Variants in SH3BGRL observed in about 807,000 individuals in gnomAD.
SH3BGRL encodes the protein adapter SH3BGRL.
SH3BGRL carries 7 observed loss-of-function variants against 9.8 expected under a neutral mutation model. The ratio of observed to expected loss-of-function variants is 0.72; its 90% CI spans 0.41 to 1.35. The LOEUF (loss-of-function observed/expected upper bound fraction) is 1.35, where lower values mean the gene tolerates loss of function less well. SH3BGRL is among the 40% of genes most tolerant of loss of function. The probability of loss-of-function intolerance (pLI) is 0.01; values close to 1 mark genes in which losing one functional copy is unlikely to be tolerated. For synonymous variants in SH3BGRL, 36 were observed against 29.1 expected, an observed-to-expected ratio of 1.24 and a Z score of -0.76; for missense variants, 73 against 84.4, an observed-to-expected ratio of 0.86 and a Z score of 0.53.
chrX:81,290,174 C>T (rs1441912740), intron 3 of SH3BGRL, among the ~76,000 whole-genome samples: 1 of 111,514 alleles, frequency 9.0e-6, no homozygotes, highest in Non-Finnish European at 1.9e-5. Context: ...TTGGAGGTTC[C>T]TCAAAAACCT....
chrX:81,293,682 CA>C (rs1027481470), intron 3 of SH3BGRL, among the ~76,000 whole-genome samples: 37 of 110,834 alleles, frequency 3.3e-4, no homozygotes, highest in Non-Finnish European at 5.5e-4. Context: ...GATTCCATCT[CA>C]AAAAAAATGT....
chrX:81,202,569 G>T, intron 1 of SH3BGRL: 4 of 832,376 alleles, frequency 4.8e-6, no homozygotes, highest in Non-Finnish European at 5.8e-6. Context: ...AAGTAAAATC[G>T]CACACTGGTG....
intron 1 of SH3BGRL, among the ~76,000 whole-genome samples, chrX:81,238,792 C>CAGAGAG (rs766291990): frequency 0.12 from 11,066 of 91,170 alleles, 779 homozygotes; most frequent in East Asian, 0.49. Flanking sequence ...TAGTGCAGAA[C>CAGAGAG]AGAGAGAGAG....
intron 1 of SH3BGRL, among the ~76,000 whole-genome samples, chrX:81,238,052 A>G (rs768425706): frequency 4.6e-5 from 5 of 108,876 alleles, no homozygotes; most frequent in Non-Finnish European, 9.6e-5. Context: ...ATCATTTGCT[A>G]ACTAAAGAGG....
At chrX:81,251,266 T>C (rs1400577455) in intron 1 of SH3BGRL, among the ~76,000 whole-genome samples, 1 of 112,340 alleles carries the variant, frequency 8.9e-6, no homozygotes, top group Non-Finnish European at 1.9e-5. Flanking sequence ...GCTTAAAATA[T>C]GTTTTTAACT....
chrX:81,224,888 TC>T (rs1413423767), intron 1 of SH3BGRL, among the ~76,000 whole-genome samples: 2 of 110,331 alleles, frequency 1.8e-5, no homozygotes, highest in East Asian at 2.8e-4. Context: ...CTTTTTTTTT[TC>T]CCCCTAAGTC....
intron 1 of SH3BGRL, among the ~76,000 whole-genome samples, chrX:81,230,087 C>T (rs919343186): frequency 1.8e-5 from 2 of 111,742 alleles, no homozygotes; most frequent in Non-Finnish European, 3.8e-5. Flanking sequence ...ACCTCAGTGA[C>T]CTCAACTCAA....
Position 81,229,595 on chromosome X carries a change from C to T in SH3BGRL, c.45+27350C>T, listed in dbSNP as rs60643254. Among the ~76,000 whole-genome samples the T allele has an allele frequency of 9.1e-3, 1,016 of 111,345 alleles. 9 individuals are homozygous for T. Among genetic ancestry groups the T allele is most frequent in the African/African-American group, 0.031 (948 of 30,610 alleles). On this transcript the variant is annotated intron_variant, in intron 1 of 3. Transcript: ENST00000373212. ...CCCTGGATTCAGGCTGCTCAGTGGC[C>T]GGGCTGTCCTCTGACTGCCCTGGCC...
At chrX:81,281,466 A>T (rs995859993) in intron 3 of SH3BGRL, among the ~76,000 whole-genome samples, 11 of 112,064 alleles carry the variant, frequency 9.8e-5, no homozygotes, top group African/African-American at 3.6e-4. Context: ...TTAACTGCAG[A>T]TTTCTCAGCA....
intron 1 of SH3BGRL, among the ~76,000 whole-genome samples, chrX:81,252,971 T>A (rs764806001): frequency 2.7e-5 from 3 of 112,793 alleles, no homozygotes; most frequent in Admixed American, 9.4e-5. Flanking sequence ...GAGTTCTTTT[T>A]TCATACACTT....
rs188969823 is a variant in SH3BGRL at position 81,211,460 on chromosome X, G to A, written c.45+9215G>A. On this transcript the variant is annotated intron_variant, in intron 1 of 3. Transcript: ENST00000373212. ...AAATTAGCCGGGCGTGGTGGCGGGC[G>A]CCTGTAGTCCCAGCTACTCGGGAGG... 4.8e-3 allele frequency among the ~76,000 whole-genome samples: 532 copies of A among 111,027 alleles called. 4 individuals are homozygous for A. Among genetic ancestry groups the A allele is most frequent in the African/African-American group, 0.017 (508 of 30,490 alleles).
intron 1 of SH3BGRL, among the ~76,000 whole-genome samples, chrX:81,229,231 G>T (rs1157956660): frequency 9.0e-6 from 1 of 110,974 alleles, no homozygotes; most frequent in African/African-American, 3.3e-5. Flanking sequence ...CAAACCTCTG[G>T]GGGGAGCATG....
chrX:81,284,283 C>T (rs1408736309), intron 3 of SH3BGRL, among the ~76,000 whole-genome samples: 1 of 110,656 alleles, frequency 9.0e-6, no homozygotes, highest in African/African-American at 3.3e-5. Flanking sequence ...TAAAATACCA[C>T]TATCCTTCTT....
At chrX:81,213,439 A>G (rs1181848310) in intron 1 of SH3BGRL, among the ~76,000 whole-genome samples, 1 of 112,478 alleles carries the variant, frequency 8.9e-6, no homozygotes, top group Non-Finnish European at 1.9e-5. Flanking sequence ...AGCATATGAT[A>G]AAAAGATAGA....
chrX:81,258,104 C>A (rs1340941736), intron 1 of SH3BGRL, among the ~76,000 whole-genome samples: 1 of 111,067 alleles, frequency 9.0e-6, no homozygotes, highest in East Asian at 2.8e-4. Context: ...CTTTTTACTG[C>A]TGAAATCAGA....
chrX:81,297,087 C>A, intron 3 of SH3BGRL, 108 bp from the exon 4 acceptor site: 1 of 550,743 alleles, frequency 1.8e-6, no homozygotes, highest in Non-Finnish European at 2.9e-6. Flanking sequence ...CTTCTGGGGG[C>A]TTTTGTTTAT....
intron 1 of SH3BGRL, among the ~76,000 whole-genome samples, chrX:81,250,773 C>T (rs955058911): frequency 3.3e-4 from 37 of 112,059 alleles, no homozygotes; most frequent in African/African-American, 1.1e-3. Flanking sequence ...TCAGCAAATA[C>T]TATTCACAGT....
chrX:81,293,992 G>A (rs1053753007), intron 3 of SH3BGRL, among the ~76,000 whole-genome samples: 3 of 111,656 alleles, frequency 2.7e-5, no homozygotes, highest in Non-Finnish European at 5.6e-5. Context: ...AGGTGGTTTA[G>A]GGTATCTGGT....
At chrX:81,259,201 C>T (rs2075733973) in intron 1 of SH3BGRL, among the ~76,000 whole-genome samples, 1 of 111,805 alleles carries the variant, frequency 8.9e-6, no homozygotes, top group Non-Finnish European at 1.9e-5. Context: ...TGTATTTTTG[C>T]TTATCCTTAT....
Sources: allele counts gnomAD v4.1 joint callset (sites outside exome capture counted in the v4.1 genomes callset), GRCh38; gene constraint gnomAD v4.1.1; transcripts MANE v1.5; gene names NCBI Gene and HGNC (gene_info 2026-07-23, HGNC 2026-07-21).